Variants in AKAP19 observed in about 807,000 individuals in gnomAD.
AKAP19 encodes A-kinase anchoring protein 19.
the AKAP19 span, chr2:190,180,807 G>C: frequency 1.2e-5 from 12 of 985,302 alleles, no homozygotes; most frequent in Admixed American, 3.7e-4. The surrounding 1 kb of genome is among the most constrained non-coding windows in gnomAD (Gnocchi z 6.8). Context: ...GCGCGGCGGC[G>C]ACGGCAGGAG....
chr2:190,146,160 A>G, the AKAP19 span, among the ~76,000 whole-genome samples: 1 of 151,834 alleles, frequency 6.6e-6, no homozygotes, highest in Non-Finnish European at 1.5e-5. Flanking sequence ...CACCCTCCCA[A>G]TCTTCCCCCA....
At chr2:190,159,792 T>A in the AKAP19 span, among the ~76,000 whole-genome samples, 2 of 152,220 alleles carry the variant, frequency 1.3e-5, no homozygotes, top group Non-Finnish European at 2.9e-5. Flanking sequence ...GAAGAAAGTA[T>A]GTGAAAAGAC....
At chr2:190,066,062 G>A in the AKAP19 span, among the ~76,000 whole-genome samples, 23 of 152,180 alleles carry the variant, frequency 1.5e-4, no homozygotes, top group Non-Finnish European at 2.4e-4. Context: ...GGAGAGCTGC[G>A]TCTATCAGCT....
the AKAP19 span, among the ~76,000 whole-genome samples, chr2:189,982,345 A>G: frequency 4.6e-5 from 7 of 152,256 alleles, no homozygotes; most frequent in South Asian, 2.1e-4. Context: ...TTTCAATTCC[A>G]GAAGTTTTCT....
chr2:190,111,688 AAGAG>A, the AKAP19 span, among the ~76,000 whole-genome samples: 227 of 152,156 alleles, frequency 1.5e-3, 2 homozygotes, highest in African/African-American at 5.2e-3. Context: ...CAGAGAAAGA[AAGAG>A]AGAGATGTCA....
At chr2:189,909,361 A>G in the AKAP19 span, among the ~76,000 whole-genome samples, 1 of 151,000 alleles carries the variant, frequency 6.6e-6, no homozygotes, top group South Asian at 2.1e-4. Flanking sequence ...ATTCAAGATA[A>G]TTATTGATAA....
At chr2:190,061,505 G>A in the AKAP19 span, among the ~76,000 whole-genome samples, 6 of 151,778 alleles carry the variant, frequency 4.0e-5, no homozygotes, top group Non-Finnish European at 7.4e-5. Context: ...CACAAACTGG[G>A]TACTCTCAAT....
the AKAP19 span, among the ~76,000 whole-genome samples, chr2:189,942,505 T>TG: frequency 6.6e-6 from 1 of 152,134 alleles, no homozygotes; most frequent in African/African-American, 2.4e-5. Context: ...GTACCAGAAG[T>TG]GGGGCTTTAC....
chr2:189,945,247 C>G, the AKAP19 span, among the ~76,000 whole-genome samples: 1 of 152,062 alleles, frequency 6.6e-6, no homozygotes, highest in South Asian at 2.1e-4. Context: ...GAGATCAGAG[C>G]AGAAATAAAT....
chr2:189,909,218 A>T, the AKAP19 span, among the ~76,000 whole-genome samples: 64 of 151,076 alleles, frequency 4.2e-4, no homozygotes, highest in South Asian at 1.9e-3. Context: ...ATATATATAT[A>T]TTTTTTCTTT....
the AKAP19 span, among the ~76,000 whole-genome samples, chr2:190,069,117 GGTGTGTGTGTGCATGCATATGTGTGT>G: frequency 1.4e-5 from 2 of 146,516 alleles, no homozygotes; most frequent in East Asian, 2.0e-4. Flanking sequence ...TCTCAAAAGG[GGTGTGTGTGTGCATGCATATGTGTGT>G]GTGTGTGTGT....
the AKAP19 span, among the ~76,000 whole-genome samples, chr2:190,120,900 G>A: frequency 6.6e-6 from 1 of 152,132 alleles, no homozygotes; most frequent in African/African-American, 2.4e-5. Context: ...ATTAAAAGAA[G>A]TGGTGCATGT....
chr2:189,972,347 G>C, the AKAP19 span, among the ~76,000 whole-genome samples: 1 of 152,150 alleles, frequency 6.6e-6, no homozygotes, highest in Non-Finnish European at 1.5e-5. Context: ...CTATATCTCT[G>C]TTTTGGTACC....
chr2:189,977,444 G>T, the AKAP19 span, among the ~76,000 whole-genome samples: 1 of 152,096 alleles, frequency 6.6e-6, no homozygotes, highest in African/African-American at 2.4e-5. Flanking sequence ...TTTGGCTCCA[G>T]GCATCCAGTA....
chr2:190,024,193 G>A, the AKAP19 span, among the ~76,000 whole-genome samples: 1 of 151,862 alleles, frequency 6.6e-6, no homozygotes, highest in Non-Finnish European at 1.5e-5. Context: ...CCTGGTAAAT[G>A]TGTCTTCCTA....
At chr2:190,132,696 G>A in the AKAP19 span, among the ~76,000 whole-genome samples, 1 of 152,066 alleles carries the variant, frequency 6.6e-6, no homozygotes, top group Non-Finnish European at 1.5e-5. Context: ...AAAAAACACA[G>A]GGGGAAAGCT....
the AKAP19 span, among the ~76,000 whole-genome samples, chr2:190,121,260 G>A: frequency 2.6e-5 from 4 of 151,864 alleles, no homozygotes; most frequent in African/African-American, 4.8e-5. Context: ...CTATAGGCAT[G>A]TGCCACCACA....
the AKAP19 span, chr2:190,200,220 G>C: frequency 8.0e-7 from 1 of 1,247,738 alleles, no homozygotes; most frequent in Non-Finnish European, 1.2e-6. Flanking sequence ...AAAAACTGGT[G>C]TGAAAAAGTA....
the AKAP19 span, among the ~76,000 whole-genome samples, chr2:190,196,078 T>G: frequency 1.3e-5 from 2 of 151,588 alleles, no homozygotes; most frequent in African/African-American, 4.8e-5. Flanking sequence ...TTAGTCCATT[T>G]TCTTTCAGGT....
Sources: gnomAD v4.1 joint callset for allele counts (sites outside exome capture counted in the v4.1 genomes callset) on GRCh38, gnomAD v4.1.1 for gene constraint, Gnocchi (gnomAD v3.1) non-coding constraint, MANE v1.5 for transcripts, NCBI Gene and HGNC (gene_info 2026-07-23, HGNC 2026-07-21) for gene names.